Variants in SLIT3 observed in about 807,000 individuals in gnomAD.
The protein encoded by SLIT3 is slit homolog 3 protein.
SLIT3 carries 68 observed loss-of-function variants against 184.0 expected under a neutral mutation model. The ratio of observed to expected loss-of-function variants is 0.37; its 90% CI spans 0.30 to 0.45. The LOEUF (loss-of-function observed/expected upper bound fraction) is 0.45. Among genes scored for constraint, SLIT3 ranks in the 20% least tolerant of loss-of-function variants. The pLI, the probability that SLIT3 is intolerant of heterozygous loss-of-function variation, is 1.00. For missense variants in SLIT3, 1,707 were observed against 2,026.0 expected (o/e 0.84, Z 3.02); for synonymous variants, 831 against 828.6 (o/e 1.00, Z -0.05).
At chr5:168,924,083 T>C (rs1374866970) in intron 4 of SLIT3, among the ~76,000 whole-genome samples, 1 of 152,248 alleles carries the variant, frequency 6.6e-6, no homozygotes, top group African/African-American at 2.4e-5. Context: ...TAGAAGTCTG[T>C]ACCCGGGTCC....
At chr5:168,950,412 A>T (rs942330041) in intron 4 of SLIT3, among the ~76,000 whole-genome samples, 4 of 152,224 alleles carry the variant, frequency 2.6e-5, no homozygotes, top group Non-Finnish European at 5.9e-5. Context: ...CTGCATAGTC[A>T]TATGTGCATG....
intron 4 of SLIT3, among the ~76,000 whole-genome samples, chr5:169,143,280 TTCCATGGAATG>T: frequency 6.6e-6 from 1 of 152,332 alleles, no homozygotes; most frequent in East Asian, 1.9e-4. Context: ...GCTAAGGGCA[TTCCATGGAATG>T]TCATTTAATC....
At chr5:168,963,384 C>T (rs1340833875) in intron 4 of SLIT3, among the ~76,000 whole-genome samples, 2 of 152,166 alleles carry the variant, frequency 1.3e-5, no homozygotes, top group African/African-American at 4.8e-5. Flanking sequence ...GTTGGCCAGG[C>T]TGGTCTTGAA....
At chr5:169,262,099 C>A (rs1301465427) in intron 1 of SLIT3, among the ~76,000 whole-genome samples, 1 of 152,168 alleles carries the variant, frequency 6.6e-6, no homozygotes, top group African/African-American at 2.4e-5. Context: ...CAACCAAACC[C>A]TTGTGTGCAG....
chr5:169,237,813 A>G (rs1313890568), intron 3 of SLIT3, among the ~76,000 whole-genome samples: 1 of 152,154 alleles, frequency 6.6e-6, no homozygotes, highest in African/African-American at 2.4e-5. Flanking sequence ...TTTTGCATAT[A>G]AATTCTTTAT....
At chr5:169,272,209 C>T (rs1335308528) in intron 1 of SLIT3, among the ~76,000 whole-genome samples, 1 of 152,204 alleles carries the variant, frequency 6.6e-6, no homozygotes. Context: ...AGTCCCTGTT[C>T]CGTTTGCAAC....
intron 4 of SLIT3, among the ~76,000 whole-genome samples, chr5:169,104,591 C>G (rs1760135054): frequency 6.6e-6 from 1 of 152,188 alleles, no homozygotes; most frequent in African/African-American, 2.4e-5. Context: ...TCCTTGGAAA[C>G]TGAGCACAGG....
Position 168,684,273 on chromosome 5 carries a change from T to C in SLIT3, c.3556-177A>G, listed in dbSNP as rs115781700. 4.4e-3 allele frequency among the ~76,000 whole-genome samples: 664 copies of C among 152,244 alleles called. 5 individuals are homozygous for C. Among genetic ancestry groups the C allele is most frequent in the African/African-American group, 0.015 (632 of 41,548 alleles). The stretch of plus-strand genomic sequence containing the variant: ...ATCCCCAGAAGGTAAGGCCTAGACT[T>C]ACACCTCAGCAAGTGCTGACTGAGC... On this transcript the variant is annotated intron_variant, in intron 31 of 35. Coordinates refer to ENST00000519560, the MANE Select transcript of SLIT3 (RefSeq NM_003062.4).
chr5:169,093,085 G>T (rs1561660248), intron 4 of SLIT3, among the ~76,000 whole-genome samples: 1 of 152,198 alleles, frequency 6.6e-6, no homozygotes, highest in Non-Finnish European at 1.5e-5. Flanking sequence ...AAGGGCAAGT[G>T]ACAGAAACTG....
At chr5:169,230,063 G>A (rs77498791) in intron 3 of SLIT3, among the ~76,000 whole-genome samples, 1,886 of 152,206 alleles carry the variant, frequency 0.012, 38 homozygotes, top group African/African-American at 0.043. Flanking sequence ...GTAATCAATG[G>A]TACTTCTCAG....
chr5:169,144,701 T>G (rs1451913353), intron 4 of SLIT3, among the ~76,000 whole-genome samples: 1 of 152,174 alleles, frequency 6.6e-6, no homozygotes, highest in African/African-American at 2.4e-5. Context: ...CTGAGCTCAG[T>G]CCAGGCCTTC....
chr5:168,868,932 G>A (rs1473960725), intron 5 of SLIT3, among the ~76,000 whole-genome samples: 1 of 152,120 alleles, frequency 6.6e-6, no homozygotes, highest in East Asian at 1.9e-4. Context: ...ATTGGAGAAT[G>A]GGATCTTTCT....
At chr5:169,039,876 C>T (rs74345099) in intron 4 of SLIT3, among the ~76,000 whole-genome samples, 1,852 of 152,288 alleles carry the variant, frequency 0.012, 31 homozygotes, top group African/African-American at 0.041. Context: ...CTAATGCAAG[C>T]GCCTCAGGGC....
Position 168,883,298 on chromosome 5 carries a change from T to C in SLIT3, c.452A>G (p.Lys151Arg). 1 of 1,614,112 alleles carries C rather than the reference T, an allele frequency of 6.2e-7. No individual in the cohort carries two copies. Among genetic ancestry groups the C allele is most frequent in the Non-Finnish European group, 8.5e-7 (1 of 1,179,962 alleles). ...CACATCGGTGATGCCGCGGAACGCC[T>C]TCCTCGGGATCCCCTGGATCTGGTT... The part of the protein sequence containing the change: ...SENQIQGIPR[K>R]AFRGITDVKN... The change falls in exon 5 of 36, where the codon AAG becomes AGG. Residue 151 changes from lysine (K) to arginine (R), a missense_variant. By Grantham distance (26) the Lys-to-Arg change is conservative. This residue lies in a region of SLIT3 where 1,307 missense variants were observed against 1,511.6 expected (regional missense o/e 0.86). Transcript: ENST00000519560.
At chr5:168,794,666 G>A (rs77914208) in intron 10 of SLIT3, among the ~76,000 whole-genome samples, 1 of 152,202 alleles carries the variant, frequency 6.6e-6, no homozygotes, top group African/African-American at 2.4e-5. Context: ...CTCATTTCAT[G>A]CAGGAAGAAC....
intron 1 of SLIT3, among the ~76,000 whole-genome samples, chr5:169,263,387 G>A (rs11134566): frequency 0.095 from 14,433 of 151,808 alleles, 846 homozygotes; most frequent in Admixed American, 0.21. Context: ...ATAGTGCCGT[G>A]TGACAACAGA....
At chr5:169,054,996 T>G (rs946481707) in intron 4 of SLIT3, among the ~76,000 whole-genome samples, 1 of 152,240 alleles carries the variant, frequency 6.6e-6, no homozygotes, top group Non-Finnish European at 1.5e-5. Flanking sequence ...GTGGCCCTCA[T>G]GCCTAGCATA....
At chr5:168,735,485 T>C (rs1237173457) in intron 20 of SLIT3, among the ~76,000 whole-genome samples, 1 of 152,150 alleles carries the variant, frequency 6.6e-6, no homozygotes, top group Non-Finnish European at 1.5e-5. Flanking sequence ...GTGAAGTACT[T>C]AACCTCTTTG....
intron 10 of SLIT3, among the ~76,000 whole-genome samples, chr5:168,793,268 A>C (rs1235755661): frequency 6.6e-6 from 1 of 151,528 alleles, no homozygotes; most frequent in Non-Finnish European, 1.5e-5. Flanking sequence ...TTTTGGTAAG[A>C]GACAAGAGCA....
Sources: allele counts gnomAD v4.1 joint callset (sites outside exome capture counted in the v4.1 genomes callset), GRCh38; gene constraint gnomAD v4.1.1; regional missense constraint gnomAD v4.1.1; transcripts MANE v1.5; gene names NCBI Gene and HGNC (gene_info 2026-07-23, HGNC 2026-07-21).